SIPA1L1: variants seen among roughly 807,000 people sequenced by gnomAD.
SIPA1L1 encodes the protein signal induced proliferation associated 1 like 1.
Under a neutral mutation model 162.7 loss-of-function variants are expected in SIPA1L1, and 26 were observed. That is an observed-to-expected ratio of 0.16 (90% CI 0.12 to 0.22). The LOEUF (loss-of-function observed/expected upper bound fraction) is 0.22, where lower values mean the gene tolerates loss of function less well. Ranked by LOEUF, SIPA1L1 falls within the 10% of genes least tolerant of loss-of-function variation. The pLI, the probability that SIPA1L1 is intolerant of heterozygous loss-of-function variation, is 1.00. For missense variants in SIPA1L1, 1,874 were observed against 2,241.0 expected (o/e 0.84, Z 3.31); for synonymous variants, 829 against 837.4 (o/e 0.99, Z 0.17).
At chr14:71,652,823 T>C (rs2042739922) in intron 8 of SIPA1L1, among the ~76,000 whole-genome samples, 1 of 152,188 alleles carries the variant, frequency 6.6e-6, no homozygotes, top group Admixed American at 6.5e-5. Context: ...TCTTTTTAAA[T>C]GTCTTCTATT....
At position 71,738,161 on chromosome 14, in the gene SIPA1L1, T is replaced by TAAA. The variant is rs34549978; in HGVS notation, c.5124-57_5124-55dup. On this transcript the variant is annotated intron_variant, in intron 22 of 23. Coordinates refer to ENST00000381232, the MANE Select transcript of SIPA1L1 (RefSeq NM_001386936.1). The stretch of plus-strand genomic sequence containing the variant: ...TTTTATAAATACAGCCTCCTCAGAG[T>TAAA]AAAAAAAAAAAAAAAAAAAAAAAAA... The TAAA allele has an allele frequency of 4.0e-3, 1,451 of 366,726 alleles. 2 individuals are homozygous for TAAA. Among genetic ancestry groups the TAAA allele is most frequent in the African/African-American group, 0.011 (284 of 26,534 alleles). The allele number at this position is 366,726 out of a possible 1,614,324, so 22.7% of individuals were successfully genotyped here.
chr14:71,406,439 G>T (rs1343816927), intron 2 of SIPA1L1, among the ~76,000 whole-genome samples: 1 of 151,722 alleles, frequency 6.6e-6, no homozygotes, highest in Non-Finnish European at 1.5e-5. Flanking sequence ...TTATGACTTG[G>T]GGTCAAAGAA....
At chr14:71,388,030 T>TA (rs1317018181) in intron 2 of SIPA1L1, among the ~76,000 whole-genome samples, 1 of 152,240 alleles carries the variant, frequency 6.6e-6, no homozygotes, top group Non-Finnish European at 1.5e-5. Context: ...GGTGTGTTGT[T>TA]AACTGAGATA....
chr14:71,697,932 A>G (rs2081772319), intron 13 of SIPA1L1, among the ~76,000 whole-genome samples: 1 of 134,396 alleles, frequency 7.4e-6, no homozygotes, highest in Non-Finnish European at 1.6e-5. Context: ...TTATTAAAAA[A>G]ACAAAAAAAA....
intron 2 of SIPA1L1, among the ~76,000 whole-genome samples, chr14:71,493,074 C>A (rs891680325): frequency 1.1e-4 from 16 of 152,128 alleles, no homozygotes; most frequent in African/African-American, 3.9e-4. Flanking sequence ...CTTTATCCCT[C>A]CCCCAAAACA....
chr14:71,739,107 G>A lies in SIPA1L1; in HGVS notation c.5298G>A (p.Ser1766=), dbSNP rs142265143. The part of the protein sequence containing the change: ...LRLQEESQNA[S]DKLKKFTEWV... ...TACAGGAGGAGTCCCAGAACGCCTC[G>A]GACAAGCTGAAGAAGTTCACAGAAT... Residue 1766 remains serine, a synonymous_variant, in exon 24 of 24, where the codon TCG becomes TCA. Transcript: ENST00000381232. 2.9e-5 allele frequency: 47 copies of A among 1,613,824 alleles called. No homozygotes were observed. The highest frequency in any genetic ancestry group is 3.3e-5 in the Admixed American group (2 of 59,986).
At chr14:71,500,953 C>T (rs1191941859) in intron 2 of SIPA1L1, among the ~76,000 whole-genome samples, 2 of 152,132 alleles carry the variant, frequency 1.3e-5, no homozygotes, top group Non-Finnish European at 1.5e-5. Flanking sequence ...TTGCGGTGAC[C>T]CGAGATCGTG....
Position 71,552,552 on chromosome 14 carries a change from C to T in SIPA1L1, c.-303+23182C>T, listed in dbSNP as rs1278667594. 3.3e-5 allele frequency among the ~76,000 whole-genome samples: 5 copies of T among 151,968 alleles called. No individual in the cohort carries two copies. The East Asian group carries it at 5.8e-4, about 18-fold the overall frequency. ...GACTACAGGCGCCCGCCACCACGCC[C>T]GGCTAATTTTTTTTTTTGTATTTTT... is the stretch of plus-strand genomic sequence containing the variant. On this transcript the variant is annotated intron_variant, in intron 4 of 23. Coordinates refer to ENST00000381232, the MANE Select transcript of SIPA1L1 (RefSeq NM_001386936.1).
rs144409075 is a variant in SIPA1L1, at chr14:71,685,735, CAA to C, written c.3374+106_3374+107del. On this transcript the variant is annotated intron_variant, in intron 13 of 23. Coordinates refer to ENST00000381232, the MANE Select transcript of SIPA1L1 (RefSeq NM_001386936.1). ...AGGCCTTCTCATATTTTACTAGAAA[CAA>C]AGAATTAAACTGAGGTGCATACCGT... 11,308 of 1,416,024 alleles carry C rather than the reference CAA, an allele frequency of 8.0e-3. 59 individuals carry two copies. Among genetic ancestry groups the C allele is most frequent in the Non-Finnish European group, 8.7e-3 (9,137 of 1,046,954 alleles). 87.7% of individuals were successfully genotyped at this position (1,416,024 alleles called of 1,614,324 possible). A position where few individuals can be genotyped will look rare whatever the true frequency, so the allele number is the denominator to read the frequency against.
chr14:71,360,240 G>C (rs181765586), intron 2 of SIPA1L1, among the ~76,000 whole-genome samples: 13 of 152,310 alleles, frequency 8.5e-5, no homozygotes, highest in Admixed American at 5.2e-4. Context: ...AGGGCGTAAG[G>C]TAGTTTATGA....
intron 4 of SIPA1L1, among the ~76,000 whole-genome samples, chr14:71,534,696 T>G (rs2053740079): frequency 2.0e-5 from 3 of 152,206 alleles, no homozygotes; most frequent in Admixed American, 6.5e-5. Context: ...ACCATCTGTC[T>G]CTATTTCTAT....
At chr14:71,605,529 G>T (rs1280124741) in intron 5 of SIPA1L1, among the ~76,000 whole-genome samples, 1 of 152,164 alleles carries the variant, frequency 6.6e-6, no homozygotes, top group Non-Finnish European at 1.5e-5. Context: ...TTACTTTCAT[G>T]GGGACGGACT....
chr14:71,342,768 TTC>T (rs1432592033), intron 2 of SIPA1L1, among the ~76,000 whole-genome samples: 1 of 152,236 alleles, frequency 6.6e-6, no homozygotes, highest in African/African-American at 2.4e-5. Flanking sequence ...TATTTGAGAT[TTC>T]TCTTTCATGT....
chr14:71,437,897 C>T (rs1478577259), intron 2 of SIPA1L1, among the ~76,000 whole-genome samples: 1 of 152,124 alleles, frequency 6.6e-6, no homozygotes, highest in African/African-American at 2.4e-5. Context: ...TTGGAAGTAT[C>T]TATTGAAATT....
chr14:71,734,794 A>G (rs1490573112), intron 21 of SIPA1L1, among the ~76,000 whole-genome samples: 3 of 152,206 alleles, frequency 2.0e-5, no homozygotes. Flanking sequence ...AATTTGATTT[A>G]GTTTTCTTGG....
chr14:71,639,594 A>C (rs2041501815), intron 7 of SIPA1L1, among the ~76,000 whole-genome samples: 1 of 152,196 alleles, frequency 6.6e-6, no homozygotes, highest in South Asian at 2.1e-4. Context: ...TACATGAAAA[A>C]ACAAAGGAAC....
At chr14:71,437,661 T>G (rs945300730) in intron 2 of SIPA1L1, among the ~76,000 whole-genome samples, 1 of 152,178 alleles carries the variant, frequency 6.6e-6, no homozygotes, top group Non-Finnish European at 1.5e-5. Context: ...CGCGCCTGGC[T>G]TATTGTACAA....
At chr14:71,555,201 A>T (rs557204292) in intron 4 of SIPA1L1, among the ~76,000 whole-genome samples, 1 of 152,338 alleles carries the variant, frequency 6.6e-6, no homozygotes, top group African/African-American at 2.4e-5. Flanking sequence ...TTCTTCTAAG[A>T]GAAGGCTGTT....
chr14:71,466,987 T>C (rs983999681), intron 2 of SIPA1L1, among the ~76,000 whole-genome samples: 1 of 152,234 alleles, frequency 6.6e-6, no homozygotes, highest in Admixed American at 6.5e-5. Flanking sequence ...TAAATGATTT[T>C]AGGGATATAA....
Sources: allele counts gnomAD v4.1 joint callset (sites outside exome capture counted in the v4.1 genomes callset), GRCh38; gene constraint gnomAD v4.1.1; transcripts MANE v1.5; gene names NCBI Gene and HGNC (gene_info 2026-07-23, HGNC 2026-07-21).